MUC5B: variants seen among roughly 807,000 people sequenced by gnomAD.
MUC5B encodes mucin 5B, oligomeric mucus/gel-forming, also known as mucin-5B.
In MUC5B, 116 loss-of-function variants were observed where a neutral mutation model predicts 376.9. The ratio of observed to expected loss-of-function variants is 0.31; its 90% CI spans 0.26 to 0.36. The LOEUF (loss-of-function observed/expected upper bound fraction) is 0.36. MUC5B is among the 10% of genes least tolerant of loss of function. MUC5B has a pLI of 1.00. For synonymous variants in MUC5B, 3,517 were observed against 3,390.9 expected, an observed-to-expected ratio of 1.04 and a Z score of -1.29; for missense variants, 7,165 against 7,769.9, an observed-to-expected ratio of 0.92 and a Z score of 2.93.
Position 1,257,786 on chromosome 11 carries a change from G to A in MUC5B, c.16450+76G>A. ...GCCGGTGCCCACCAGGGGCCTGTGG[G>A]TTGGGCACAGGAGAGCAGAGGAGAG... On this transcript the variant is annotated intron_variant, in intron 41 of 48. Coordinates refer to ENST00000529681, the MANE Select transcript of MUC5B (RefSeq NM_002458.3). The surrounding 1 kb of genome is among the most constrained non-coding windows in gnomAD (Gnocchi z 8.9). The A allele has an allele frequency of 6.8e-7, 1 of 1,466,680 alleles. No homozygotes were observed. The allele number at this position is 1,466,680 out of a possible 1,614,324, so 90.9% of individuals were successfully genotyped here. A position where few individuals can be genotyped will look rare whatever the true frequency, so the allele number is the denominator to read the frequency against.
Position 1,252,812 on chromosome 11 carries a change from A to T in MUC5B, c.15049A>T (p.Asn5017Tyr). The change falls in exon 33 of 49, where the codon AAT (asparagine) becomes TAT (tyrosine). Residue 5017 changes from asparagine to tyrosine, a missense_variant. Asn to Tyr is a moderately radical substitution (Grantham distance 143). Transcript: ENST00000529681. ...ACGTGCATGTTCCCTGCCCCAGGTGAATGAGACCTGGACCCTGGAGAACTG... is the reference window on the plus strand; with the variant it reads ...ACGTGCATGTTCCCTGCCCCAGGTGTATGAGACCTGGACCCTGGAGAACTG... ...CDNAIPLRQV[N>Y]ETWTLENCTV... 1 of 1,606,666 alleles carries T rather than the reference A, an allele frequency of 6.2e-7. No homozygotes were observed. The highest frequency in any genetic ancestry group is 8.5e-7 in the Non-Finnish European group (1 of 1,177,302).
Position 1,249,035 on chromosome 11 carries a change from C to T in MUC5B, c.12155C>T (p.Pro4052Leu), listed in dbSNP as rs781123917. ...CCTTCCACGGGGACTTCCCACACCC[C>T]AGCAGCAACCACCGGTACCACCCAG... ...TEPSTGTSHT[P>L]AATTGTTQHS... The change falls in exon 31 of 49, where the codon CCA becomes CTA. Residue 4052 changes from proline to leucine, a missense_variant. Transcript: ENST00000529681. The T allele has an allele frequency of 5.6e-6, 9 of 1,610,354 alleles. No homozygotes were observed. The African/African-American group carries it at 8.1e-5, about 14-fold the overall frequency.
rs1223071116 is a variant in MUC5B, at chr11:1,250,364, C to A, written c.13484C>A (p.Ala4495Asp). Residue 4495 changes from alanine (A) to aspartate (D), a missense_variant, in exon 31 of 49, where the codon GCC (alanine) becomes GAC (aspartate). Transcript: ENST00000529681. The part of the protein sequence containing the change: ...ATTPTVTSSK[A>D]TPSSSPGTAT... ...ACACCCACAGTCACCAGCTCCAAAG[C>A]CACTCCCTCCTCCAGTCCAGGGACT... 1 of 1,613,430 alleles carries A rather than the reference C, an allele frequency of 6.2e-7. No individual in the cohort carries two copies. The highest frequency in any genetic ancestry group is 8.5e-7 in the Non-Finnish European group (1 of 1,179,734).
rs1483354444 is a variant in MUC5B at position 1,259,056 on chromosome 11, C to T, written c.16708C>T (p.Pro5570Ser). 28 of 1,549,398 alleles carry T rather than the reference C, an allele frequency of 1.8e-5. No homozygotes were observed. The highest frequency in any genetic ancestry group is 2.4e-5 in the Non-Finnish European group (27 of 1,146,822). Residue 5570 changes from proline to serine, a missense_variant, in exon 44 of 49, where the codon CCC becomes TCC. Physicochemically the swap from Pro to Ser is moderately conservative, Grantham distance 74 (BLOSUM62 -1). This residue lies in a region of MUC5B where 842 missense variants were observed against 1,016.9 expected (regional missense o/e 0.83). Coordinates refer to ENST00000529681, the MANE Select transcript of MUC5B (RefSeq NM_002458.3). ...QEDACNNTTC[P>S]QGFEYKRVAG... ...GGATGCCTGCAACAATACTACCTGTCCCCAGGTGAGACCCGAGGCACCTGC... is the reference window on the plus strand; with the variant it reads ...GGATGCCTGCAACAATACTACCTGTTCCCAGGTGAGACCCGAGGCACCTGC...
chr11:1,244,565 T>C lies in MUC5B; in HGVS notation c.7685T>C (p.Met2562Thr). Residue 2562 changes from methionine (M) to threonine (T), a missense_variant, in exon 31 of 49, where the codon ATG becomes ACG. Met to Thr is a moderately conservative substitution (Grantham distance 81, BLOSUM62 -1). This residue lies in a region of MUC5B where 194 missense variants were observed against 268.5 expected (regional missense o/e 0.72). Coordinates refer to ENST00000529681, the MANE Select transcript of MUC5B (RefSeq NM_002458.3). Reference protein sequence around the residue: ...LSQTTTPTATMSTATPSSTPE... With the variant: ...LSQTTTPTATTSTATPSSTPE... Reference sequence around the variant, plus strand: ...CAGACCACCACACCCACGGCCACCATGTCCACAGCCACACCCTCCTCCACT... The same window carrying C: ...CAGACCACCACACCCACGGCCACCACGTCCACAGCCACACCCTCCTCCACT... 2 of 1,608,678 alleles carry C rather than the reference T, an allele frequency of 1.2e-6. No homozygotes were observed. Among genetic ancestry groups the C allele is most frequent in the Non-Finnish European group, 8.5e-7 (1 of 1,178,326 alleles).
chr11:1,225,813 C>T (rs953035000), intron 2 of MUC5B, 76 bp downstream of exon 2: 60 of 1,397,084 alleles, frequency 4.3e-5, no homozygotes, highest in East Asian at 2.5e-5. Flanking sequence ...GGCAGGCAGA[C>T]GCCTCTCCAA....
chr11:1,240,350 C>G lies in MUC5B; in HGVS notation c.3945C>G (p.Thr1315=). The stretch of plus-strand genomic sequence containing the variant: ...CCACAACGCCATTCACCTTCACCAC[C>G]GCCTGGGTCCCCCACTCCACGACAA... The part of the protein sequence containing the change: ...TPATTPFTFT[T]AWVPHSTTSP... The change falls in exon 30 of 49, where the codon ACC becomes ACG. Residue 1315 remains threonine, a synonymous_variant. Transcript: ENST00000529681. 1 of 1,604,244 alleles carries G rather than the reference C, an allele frequency of 6.2e-7. No homozygotes were observed. The highest frequency in any genetic ancestry group is 8.5e-7 in the Non-Finnish European group (1 of 1,173,018).
chr11:1,235,473 G>A (rs934887435), intron 23 of MUC5B, 60 bp downstream of exon 23: 2 of 1,452,922 alleles, frequency 1.4e-6, no homozygotes, highest in Non-Finnish European at 1.9e-6. Flanking sequence ...CGGCCCCCAG[G>A]GAAGCTTCGT....
rs751041953 is a variant in MUC5B, at chr11:1,246,821, C to T, written c.9941C>T (p.Thr3314Met). The change falls in exon 31 of 49, where the codon ACG becomes ATG. Residue 3314 changes from threonine to methionine, a missense_variant. Transcript: ENST00000529681. ...ACCAAAGTGCCGACTACCACAACCA[C>T]GGGCTTCACAGCCACCCCCTCCTCC... is the stretch of plus-strand genomic sequence containing the variant. ...HTTKVPTTTT[T>M]GFTATPSSSP... The T allele has an allele frequency of 3.0e-4, 479 of 1,607,362 alleles. 12 individuals are homozygous for T. The highest frequency in any genetic ancestry group is 3.6e-4 in the Non-Finnish European group (422 of 1,175,256).
At chr11:1,225,430 C>T (rs1001789194) in intron 1 of MUC5B, among the ~76,000 whole-genome samples, 7 of 152,262 alleles carry the variant, frequency 4.6e-5, no homozygotes, top group Admixed American at 2.0e-4. Flanking sequence ...GCTTCCATCC[C>T]GCAGGCTTTC....
Position 1,250,746 on chromosome 11 carries a change from C to A in MUC5B, c.13866C>A (p.Thr4622=). Residue 4622 remains threonine, a synonymous_variant, in exon 31 of 49, where the codon ACC becomes ACA. Transcript: ENST00000529681. The part of the protein sequence containing the change: ...ALTPPVWIST[T]TTPTTTTPTT... ...CGCCTCCAGTGTGGATCAGCACAAC[C>A]ACCACACCCACAACCACCACACCCA... 1 of 1,600,808 alleles carries A rather than the reference C, an allele frequency of 6.2e-7. No individual in the cohort carries two copies. The highest frequency in any genetic ancestry group is 8.5e-7 in the Non-Finnish European group (1 of 1,170,932).
chr11:1,236,281 G>C, intron 23 of MUC5B, 105 bp from the exon 24 acceptor site: 1 of 1,147,520 alleles, frequency 8.7e-7, no homozygotes, highest in Non-Finnish European at 1.2e-6. Flanking sequence ...CTTGTGCTAA[G>C]AGCCCGTGCG....
Position 1,241,413 on chromosome 11 carries a change from G to C in MUC5B, c.4533G>C (p.Glu1511Asp), listed in dbSNP as rs758332824. ...GCCAGCCCCGGTGTCAGTGGACAGAGTGGTTTGATGAGGACTACCCCAAGT... is the reference window on the plus strand; with the variant it reads ...GCCAGCCCCGGTGTCAGTGGACAGACTGGTTTGATGAGGACTACCCCAAGT... ...TTCQPRCQWT[E>D]WFDEDYPKSE... is the part of the protein sequence containing the mutation. The change falls in exon 31 of 49, where the codon GAG becomes GAC. Residue 1511 changes from glutamate to aspartate, a missense_variant. Coordinates refer to ENST00000529681, the MANE Select transcript of MUC5B (RefSeq NM_002458.3). 6 of 1,613,518 alleles carry C rather than the reference G, an allele frequency of 3.7e-6. No individual in the cohort carries two copies. The highest frequency in any genetic ancestry group is 3.3e-5 in the Admixed American group (2 of 60,016).
rs747404823 is a variant in MUC5B, at chr11:1,235,288, C to G, written c.2770-15C>G. The G allele has an allele frequency of 1.9e-6, 3 of 1,611,194 alleles. No homozygotes were observed. The highest frequency in any genetic ancestry group is 2.5e-6 in the Non-Finnish European group (3 of 1,178,194). ...CTCCAGCCCGCGGCCAGCAGCTTGT[C>G]TCTTTCTGGCCCAGGACTACTGTGG... On this transcript the variant is annotated splice_polypyrimidine_tract_variant and intron_variant, in intron 22 of 48. Coordinates refer to ENST00000529681, the MANE Select transcript of MUC5B (RefSeq NM_002458.3).
rs746939695 is a variant in MUC5B, at chr11:1,251,223, C to T, written c.14343C>T (p.Ser4781=). 2 of 1,611,296 alleles carry T rather than the reference C, an allele frequency of 1.2e-6. No homozygotes were observed. The highest frequency in any genetic ancestry group is 2.2e-5 in the East Asian group (1 of 44,894). ...PMSTMSTIHT[S]STPETTHTST... Reference sequence around the variant, plus strand: ...CCACCATGTCCACAATCCACACCTCCTCTACTCCAGAGACCACCCACACCT... The same window carrying T: ...CCACCATGTCCACAATCCACACCTCTTCTACTCCAGAGACCACCCACACCT... Residue 4781 remains serine, a synonymous_variant, in exon 31 of 49, where the codon TCC becomes TCT. Coordinates refer to ENST00000529681, the MANE Select transcript of MUC5B (RefSeq NM_002458.3).
chr11:1,230,300 C>T (rs2672809), intron 11 of MUC5B, among the ~76,000 whole-genome samples, 157 bp downstream of exon 11: 3,475 of 152,288 alleles, frequency 0.023, 56 homozygotes, highest in Non-Finnish European at 0.033. Flanking sequence ...AGGGATGGCT[C>T]TCCCTGCTGA....
chr11:1,230,350 C>A, intron 11 of MUC5B, 140 bp from the exon 12 acceptor site: 3 of 1,087,354 alleles, frequency 2.8e-6, no homozygotes, highest in Non-Finnish European at 3.9e-6. Context: ...CTGAGACAAG[C>A]TGCTGGGAGG....
intron 6 of MUC5B, 130 bp from the exon 7 acceptor site, chr11:1,227,545 A>G (rs1291279759): frequency 8.7e-6 from 6 of 691,538 alleles, no homozygotes; most frequent in Admixed American, 2.1e-5. Flanking sequence ...TGGTGGGAGG[A>G]GTGCCCCTCG....
chr11:1,241,764 C>T lies in MUC5B; in HGVS notation c.4884C>T (p.Phe1628=). Residue 1628 remains phenylalanine (F), a synonymous_variant, in exon 31 of 49, where the codon TTC becomes TTT. Coordinates refer to ENST00000529681, the MANE Select transcript of MUC5B (RefSeq NM_002458.3). Reference sequence around the variant, plus strand: ...CCACCACCACCACCCAGGCCCTGTTCTCAACGCCGCAGCCTACGAGTAGCC... The same window carrying T: ...CCACCACCACCACCCAGGCCCTGTTTTCAACGCCGCAGCCTACGAGTAGCC... ...TATTTTTQAL[F]STPQPTSSPG... 1.2e-6 allele frequency: 2 copies of T among 1,612,256 alleles called. No homozygotes were observed. The highest frequency in any genetic ancestry group is 1.7e-6 in the Non-Finnish European group (2 of 1,179,406).
Sources: gnomAD v4.1 joint callset for allele counts (sites outside exome capture counted in the v4.1 genomes callset) on GRCh38, gnomAD v4.1.1 for gene constraint, gnomAD v4.1.1 regional missense constraint, Gnocchi (gnomAD v3.1) non-coding constraint, MANE v1.5 for transcripts, NCBI Gene and HGNC (gene_info 2026-07-23, HGNC 2026-07-21) for gene names.